The following TMEM132D variants were observed in gnomAD, a reference collection of about 807,000 sequenced individuals.
The protein encoded by TMEM132D is mature OL transmembrane protein.
In TMEM132D, 21 loss-of-function variants were observed where a neutral mutation model predicts 62.3. The ratio of observed to expected loss-of-function variants is 0.34; its 90% CI spans 0.24 to 0.49. TMEM132D has a LOEUF of 0.49. TMEM132D is among the 20% of genes least tolerant of loss of function. The probability of loss-of-function intolerance (pLI) is 0.99; values close to 1 mark genes in which losing one functional copy is unlikely to be tolerated. For missense variants in TMEM132D, 1,346 were observed against 1,402.8 expected (o/e 0.96, Z 0.65); for synonymous variants, 621 against 575.6 (o/e 1.08, Z -1.13).
At chr12:129,646,474 T>G (rs1013085737) in intron 2 of TMEM132D, among the ~76,000 whole-genome samples, 7 of 152,118 alleles carry the variant, frequency 4.6e-5, no homozygotes, top group African/African-American at 1.7e-4. Flanking sequence ...GCTGTCAAGC[T>G]GAGACAGGGA....
At chr12:129,499,898 C>A (rs1304148881) in intron 3 of TMEM132D, among the ~76,000 whole-genome samples, 2 of 152,026 alleles carry the variant, frequency 1.3e-5, no homozygotes, top group Admixed American at 1.3e-4. Context: ...ATTCACCTGA[C>A]CTCATCTGTC....
intron 1 of TMEM132D, among the ~76,000 whole-genome samples, chr12:129,870,259 A>T (rs928984626): frequency 6.6e-6 from 1 of 152,144 alleles, no homozygotes; most frequent in Admixed American, 6.5e-5. Context: ...CTGAGATTAC[A>T]GGCATGAGCC....
At chr12:129,208,794 T>G (rs1878935146) in intron 5 of TMEM132D, 1 of 152,216 alleles carries the variant, frequency 6.6e-6, no homozygotes, top group Non-Finnish European at 1.5e-5. Flanking sequence ...GGGGAACCCA[T>G]TTATCTCCTG....
intron 1 of TMEM132D, among the ~76,000 whole-genome samples, chr12:129,752,479 C>T (rs1239484613): frequency 5.3e-5 from 8 of 152,158 alleles, no homozygotes; most frequent in African/African-American, 1.4e-4. Flanking sequence ...GTCATAAGAC[C>T]TTTATGTCCA....
intron 1 of TMEM132D, among the ~76,000 whole-genome samples, chr12:129,743,730 T>C (rs1182560917): frequency 1.3e-5 from 2 of 152,074 alleles, no homozygotes; most frequent in Non-Finnish European, 2.9e-5. Flanking sequence ...AGATGAGAGA[T>C]TATCCTGAAT....
chr12:129,694,292 A>G (rs1011278456), intron 2 of TMEM132D, among the ~76,000 whole-genome samples: 7 of 152,176 alleles, frequency 4.6e-5, no homozygotes, highest in African/African-American at 1.4e-4. Flanking sequence ...ATCCCAGTGC[A>G]ATCAGGAGAA....
chr12:129,292,669 C>T (rs1015359958), intron 4 of TMEM132D, among the ~76,000 whole-genome samples: 2 of 152,136 alleles, frequency 1.3e-5, no homozygotes, highest in Admixed American at 1.3e-4. Flanking sequence ...TCAGAAAGTG[C>T]AATTGATAAT....
chr12:129,530,949 C>T, intron 3 of TMEM132D, 110 bp downstream of exon 3: 1 of 1,221,952 alleles, frequency 8.2e-7, no homozygotes, highest in Non-Finnish European at 1.1e-6. Context: ...ACGACACACA[C>T]CAAATGCAAA....
chr12:129,738,802 C>T (rs1445763538), intron 1 of TMEM132D, among the ~76,000 whole-genome samples: 1 of 152,158 alleles, frequency 6.6e-6, no homozygotes, highest in South Asian at 2.1e-4. Flanking sequence ...AGGGTCAATG[C>T]CATCTTAATA....
chr12:129,650,798 G>T (rs1045993650), intron 2 of TMEM132D, among the ~76,000 whole-genome samples: 2 of 152,092 alleles, frequency 1.3e-5, no homozygotes, highest in South Asian at 4.1e-4. Context: ...ATGTGTTTTT[G>T]CTCATTTTAT....
intron 4 of TMEM132D, among the ~76,000 whole-genome samples, chr12:129,331,014 C>G (rs971478562): frequency 6.6e-6 from 1 of 152,090 alleles, no homozygotes; most frequent in African/African-American, 2.4e-5. Context: ...TTGCCCGCTG[C>G]CCTCATTGCG....
intron 3 of TMEM132D, among the ~76,000 whole-genome samples, chr12:129,444,003 G>A (rs1006276773): frequency 6.6e-6 from 1 of 152,164 alleles, no homozygotes; most frequent in Non-Finnish European, 1.5e-5. Context: ...GACAAGCAAT[G>A]GGGAAAGGAC....
intron 3 of TMEM132D, among the ~76,000 whole-genome samples, chr12:129,488,797 T>C (rs1874668434): frequency 6.6e-6 from 1 of 152,042 alleles, no homozygotes; most frequent in Admixed American, 6.5e-5. Flanking sequence ...ATATGGGATC[T>C]TTCAGGCCAT....
At chr12:129,483,102 A>C (rs1874478685) in intron 3 of TMEM132D, among the ~76,000 whole-genome samples, 1 of 152,164 alleles carries the variant, frequency 6.6e-6, no homozygotes, top group Non-Finnish European at 1.5e-5. Flanking sequence ...GTGTTTTCTA[A>C]ATGCCCTTCT....
chr12:129,794,233 C>T (rs942828159), intron 1 of TMEM132D, among the ~76,000 whole-genome samples: 12 of 146,928 alleles, frequency 8.2e-5, no homozygotes, highest in Admixed American at 5.5e-4. Flanking sequence ...AGATCACAGG[C>T]GTGCACCACC....
At chr12:129,147,468 A>T (rs111247843) in intron 5 of TMEM132D, among the ~76,000 whole-genome samples, 13 of 152,218 alleles carry the variant, frequency 8.5e-5, no homozygotes, top group African/African-American at 3.1e-4. Context: ...TTCTTTCATA[A>T]CTACTGCAGT....
Position 129,714,133 on chromosome 12 carries a change from T to C in TMEM132D, c.80-13435A>G, listed in dbSNP as rs554407542. 4.6e-5 allele frequency among the ~76,000 whole-genome samples: 7 copies of C among 152,298 alleles called. 1 individual carries two copies. The South Asian group carries it at 1.4e-3, about 32-fold the overall frequency. On this transcript the variant is annotated intron_variant, in intron 1 of 8. Coordinates refer to ENST00000422113, the MANE Select transcript of TMEM132D (RefSeq NM_133448.3). Reference sequence around the variant, plus strand: ...AACTCAGTCCTGCCCCCGGGGCCTTTGCACTGGCTGTTTCCTGCACCTGGA... The same window carrying C: ...AACTCAGTCCTGCCCCCGGGGCCTTCGCACTGGCTGTTTCCTGCACCTGGA...
At position 129,833,167 on chromosome 12, in the gene TMEM132D, G is replaced by C. The variant is rs139124329; in HGVS notation, c.79+70094C>G. On this transcript the variant is annotated intron_variant, in intron 1 of 8. Coordinates refer to ENST00000422113, the MANE Select transcript of TMEM132D (RefSeq NM_133448.3). ...CATAGACCCCGTAGATATTTTTCCA[G>C]ATAAATTGTCCTCGCATTGATGTGT... 6.8e-3 allele frequency among the ~76,000 whole-genome samples: 1,037 copies of C among 152,290 alleles called. 9 individuals are homozygous for C. Among genetic ancestry groups the C allele is most frequent in the African/African-American group, 0.024 (979 of 41,562 alleles).
intron 2 of TMEM132D, among the ~76,000 whole-genome samples, chr12:129,574,150 T>C (rs1877594022): frequency 6.6e-6 from 1 of 151,954 alleles, no homozygotes; most frequent in Non-Finnish European, 1.5e-5. Flanking sequence ...GGGTAGAGTA[T>C]ATTTATGCTT....
Sources: allele counts gnomAD v4.1 joint callset (sites outside exome capture counted in the v4.1 genomes callset), GRCh38; gene constraint gnomAD v4.1.1; transcripts MANE v1.5; gene names NCBI Gene and HGNC (gene_info 2026-07-23, HGNC 2026-07-21).